RCAN2: variants seen among roughly 807,000 people sequenced by gnomAD.
The protein encoded by RCAN2 is calcipressin-2.
In RCAN2, 9 loss-of-function variants were observed where a neutral mutation model predicts 23.6. The observed-to-expected ratio is 0.38, with a 90% CI of 0.23 to 0.67. The LOEUF is 0.67. Among genes scored for constraint, RCAN2 ranks in the 30% least tolerant of loss-of-function variants. The pLI is 0.51. For missense variants in RCAN2, 273 were observed against 302.3 expected (o/e 0.90, Z 0.72); for synonymous variants, 109 against 115.7 (o/e 0.94, Z 0.37).
At chr6:46,376,042 C>G (rs1471831322) in intron 2 of RCAN2, among the ~76,000 whole-genome samples, 1 of 152,154 alleles carries the variant, frequency 6.6e-6, no homozygotes, top group Non-Finnish European at 1.5e-5. Context: ...ACACCATTTT[C>G]CCTGGAATAG....
chr6:46,275,138 G>A (rs1767651289), intron 2 of RCAN2, among the ~76,000 whole-genome samples: 1 of 151,374 alleles, frequency 6.6e-6, no homozygotes. Flanking sequence ...TGTTGCCCAG[G>A]CTGGAGTACA....
At chr6:46,233,268 C>A (rs1472185573) in intron 4 of RCAN2, among the ~76,000 whole-genome samples, 1 of 152,214 alleles carries the variant, frequency 6.6e-6, no homozygotes, top group Non-Finnish European at 1.5e-5. Context: ...CCTTCAGGAA[C>A]TTCTTGCAAT....
intron 2 of RCAN2, among the ~76,000 whole-genome samples, chr6:46,271,239 G>T (rs1767515185): frequency 6.6e-6 from 1 of 152,244 alleles, no homozygotes; most frequent in Non-Finnish European, 1.5e-5. Context: ...GGCTTGACAG[G>T]GCTGAAATCT....
At chr6:46,445,746 T>C (rs1767686262) in intron 2 of RCAN2, among the ~76,000 whole-genome samples, 2 of 152,270 alleles carry the variant, frequency 1.3e-5, no homozygotes, top group South Asian at 4.1e-4. Context: ...AAAAAAATTC[T>C]AGAGCTGAAA....
At chr6:46,409,313 A>G (rs1766488958) in intron 2 of RCAN2, among the ~76,000 whole-genome samples, 1 of 152,220 alleles carries the variant, frequency 6.6e-6, no homozygotes, top group African/African-American at 2.4e-5. Context: ...CAAATCAGAA[A>G]TATAATACTG....
intron 2 of RCAN2, among the ~76,000 whole-genome samples, chr6:46,363,576 T>G (rs1765078386): frequency 6.6e-6 from 1 of 152,098 alleles, no homozygotes; most frequent in African/African-American, 2.4e-5. Context: ...GACTTATAAT[T>G]TATTATTTAT....
intron 2 of RCAN2, among the ~76,000 whole-genome samples, chr6:46,327,495 T>C (rs575246957): frequency 6.6e-6 from 1 of 152,326 alleles, no homozygotes; most frequent in South Asian, 2.1e-4. Context: ...AGCCAGATGA[T>C]GCAAAACCTG....
intron 2 of RCAN2, among the ~76,000 whole-genome samples, chr6:46,327,825 C>A (rs1249035487): frequency 6.6e-6 from 1 of 152,154 alleles, no homozygotes; most frequent in African/African-American, 2.4e-5. Flanking sequence ...AGTGTGAAGT[C>A]AAACTGAATA....
intron 2 of RCAN2, among the ~76,000 whole-genome samples, chr6:46,308,156 T>C (rs1322343590): frequency 6.6e-6 from 1 of 152,146 alleles, no homozygotes; most frequent in African/African-American, 2.4e-5. Context: ...AGCTCCTTCA[T>C]GTCACAAAGC....
intron 2 of RCAN2, among the ~76,000 whole-genome samples, chr6:46,327,255 C>A (rs1413978401): frequency 6.6e-6 from 1 of 151,996 alleles, no homozygotes; most frequent in African/African-American, 2.4e-5. Flanking sequence ...GCAATGAATG[C>A]TGAATGCTGG....
At chr6:46,329,017 A>G (rs1401273994) in intron 2 of RCAN2, among the ~76,000 whole-genome samples, 2 of 152,118 alleles carry the variant, frequency 1.3e-5, no homozygotes. Flanking sequence ...CTAGACTTGG[A>G]TTATTCTCCC....
intron 2 of RCAN2, among the ~76,000 whole-genome samples, chr6:46,311,235 T>C: frequency 6.6e-6 from 1 of 152,176 alleles, no homozygotes; most frequent in East Asian, 1.9e-4. Flanking sequence ...GTGCTCTGCC[T>C]CCTGGTTCAG....
At chr6:46,405,556 C>G (rs886651193) in intron 2 of RCAN2, among the ~76,000 whole-genome samples, 1 of 152,118 alleles carries the variant, frequency 6.6e-6, no homozygotes, top group African/African-American at 2.4e-5. Flanking sequence ...CTCCAAGGCC[C>G]CACCAGAGCA....
intron 2 of RCAN2, chr6:46,325,407 T>C: frequency 1.2e-6 from 2 of 1,614,158 alleles, no homozygotes; most frequent in Non-Finnish European, 1.7e-6. Context: ...ACCTCCTGAT[T>C]GGTAAAGACC....
At chr6:46,483,522 T>A (rs1337150937) in intron 1 of RCAN2, among the ~76,000 whole-genome samples, 1 of 152,204 alleles carries the variant, frequency 6.6e-6, no homozygotes, top group Non-Finnish European at 1.5e-5. Context: ...ACAGTGTTCA[T>A]GTGTTGTGGC....
At chr6:46,339,033 A>AAAAAAAAC (rs1764226063) in intron 2 of RCAN2, among the ~76,000 whole-genome samples, 1 of 151,032 alleles carries the variant, frequency 6.6e-6, no homozygotes, top group African/African-American at 2.4e-5. Flanking sequence ...AAAAAAAAAA[A>AAAAAAAAC]AAAAAAGAAT....
At chr6:46,382,529 C>A (rs1452019697) in intron 2 of RCAN2, among the ~76,000 whole-genome samples, 1 of 152,146 alleles carries the variant, frequency 6.6e-6, no homozygotes, top group Non-Finnish European at 1.5e-5. Flanking sequence ...AGCACACAGG[C>A]AAACTGTACA....
intron 4 of RCAN2, among the ~76,000 whole-genome samples, chr6:46,228,658 C>A (rs1395014503): frequency 1.3e-5 from 2 of 151,988 alleles, no homozygotes; most frequent in African/African-American, 4.8e-5. Context: ...TTATTTTGAG[C>A]CTATGTGTGT....
At chr6:46,297,582 C>G (rs1020915697) in intron 2 of RCAN2, among the ~76,000 whole-genome samples, 1 of 152,044 alleles carries the variant, frequency 6.6e-6, no homozygotes, top group African/African-American at 2.4e-5. Flanking sequence ...CAAGTAGAGG[C>G]ACAGAACACA....
Sources: allele counts gnomAD v4.1 joint callset (sites outside exome capture counted in the v4.1 genomes callset), GRCh38; gene constraint gnomAD v4.1.1; transcripts MANE v1.5; gene names NCBI Gene and HGNC (gene_info 2026-07-23, HGNC 2026-07-21).